Variants in GRM7 observed in about 807,000 individuals in gnomAD.
GRM7 encodes metabotropic glutamate receptor 7.
GRM7 carries 35 observed loss-of-function variants against 84.5 expected under a neutral mutation model. The ratio of observed to expected loss-of-function variants is 0.41; its 90% CI spans 0.32 to 0.55. The LOEUF is 0.55. GRM7 is among the 20% of genes least tolerant of loss of function. The pLI is 0.19. For synonymous variants in GRM7, 487 were observed against 455.1 expected (o/e 1.07, Z -0.89); for missense variants, 1,003 against 1,194.6 (o/e 0.84, Z 2.36).
At chr3:7,001,174 C>T (rs924955967) in intron 1 of GRM7, among the ~76,000 whole-genome samples, 3 of 152,172 alleles carry the variant, frequency 2.0e-5, no homozygotes, top group East Asian at 3.9e-4. Flanking sequence ...AGTGAGACCC[C>T]ATATCCACAA....
chr3:7,614,605 TCAATC>T, intron 8 of GRM7, among the ~76,000 whole-genome samples: 1 of 152,202 alleles, frequency 6.6e-6, no homozygotes, highest in East Asian at 1.9e-4. Context: ...TTATTCTTGA[TCAATC>T]CAATAGAATG....
intron 4 of GRM7, among the ~76,000 whole-genome samples, chr3:7,311,744 GCTAC>G (rs1700404248): frequency 6.6e-6 from 1 of 151,956 alleles, no homozygotes; most frequent in South Asian, 2.1e-4. Flanking sequence ...GCAGGCATGT[GCTAC>G]CACACCTGGC....
At chr3:7,214,412 T>C (rs1696533866) in intron 2 of GRM7, among the ~76,000 whole-genome samples, 1 of 152,218 alleles carries the variant, frequency 6.6e-6, no homozygotes, top group African/African-American at 2.4e-5. Flanking sequence ...ACAAAGCCCC[T>C]AAGGCTTGAC....
intron 2 of GRM7, among the ~76,000 whole-genome samples, chr3:7,185,503 A>G (rs1305303123): frequency 1.3e-5 from 2 of 152,196 alleles, no homozygotes; most frequent in East Asian, 3.8e-4. Flanking sequence ...AGCTCTATCT[A>G]TATGGACCTA....
intron 1 of GRM7, among the ~76,000 whole-genome samples, chr3:7,110,680 T>C (rs1354804794): frequency 6.6e-6 from 1 of 152,044 alleles, no homozygotes; most frequent in Non-Finnish European, 1.5e-5. Flanking sequence ...TTGGCATTCA[T>C]TTCCATTCAT....
At chr3:7,254,427 T>G (rs985154863) in intron 2 of GRM7, among the ~76,000 whole-genome samples, 8 of 152,216 alleles carry the variant, frequency 5.3e-5, no homozygotes, top group Non-Finnish European at 7.3e-5. Context: ...TTGTAAGCAT[T>G]CAGTAAACAT....
intron 7 of GRM7, among the ~76,000 whole-genome samples, chr3:7,508,065 T>C (rs1331623286): frequency 2.0e-5 from 3 of 152,190 alleles, no homozygotes; most frequent in African/African-American, 7.2e-5. Flanking sequence ...TAAAGTCACA[T>C]TTTCAATGTC....
intron 8 of GRM7, among the ~76,000 whole-genome samples, chr3:7,671,185 A>T (rs1277774853): frequency 1.3e-5 from 2 of 152,174 alleles, no homozygotes; most frequent in African/African-American, 2.4e-5. Context: ...TGTACCACTG[A>T]ATGTGTAGGC....
At chr3:7,434,118 C>T (rs189912315) in intron 5 of GRM7, among the ~76,000 whole-genome samples, 35 of 152,018 alleles carry the variant, frequency 2.3e-4, no homozygotes, top group Middle Eastern at 3.4e-3. Context: ...AATTCTTTTT[C>T]GATTGTTAAC....
intron 4 of GRM7, among the ~76,000 whole-genome samples, chr3:7,332,290 A>G (rs537036984): frequency 1.3e-5 from 2 of 152,330 alleles, no homozygotes; most frequent in South Asian, 4.1e-4. Context: ...AGGAGAATAG[A>G]CAATTTATCT....
intron 1 of GRM7, among the ~76,000 whole-genome samples, chr3:7,060,587 C>A (rs1029920460): frequency 6.6e-6 from 1 of 151,756 alleles, no homozygotes. Flanking sequence ...CATTAATGAA[C>A]TATTACAAGA....
At chr3:7,377,054 G>GA (rs1283567857) in intron 4 of GRM7, among the ~76,000 whole-genome samples, 2 of 152,130 alleles carry the variant, frequency 1.3e-5, no homozygotes, top group African/African-American at 4.8e-5. Context: ...AAGAAAGTAA[G>GA]AAAAAAATCA....
chr3:7,683,139 G>A (rs2125143905), intron 9 of GRM7, among the ~76,000 whole-genome samples: 1 of 152,288 alleles, frequency 6.6e-6, no homozygotes, highest in South Asian at 2.1e-4. Flanking sequence ...ATTTGTATAT[G>A]CAGAATATAA....
intron 1 of GRM7, among the ~76,000 whole-genome samples, chr3:6,875,189 T>A (rs1317411593): frequency 6.6e-6 from 1 of 152,188 alleles, no homozygotes; most frequent in African/African-American, 2.4e-5. Context: ...GCTATTTTTT[T>A]AAATAGGATT....
In GRM7 at chr3:7,645,791, T is replaced by G. The variant is rs113951110; in HGVS notation, c.2452-34258T>G. 2.6e-3 allele frequency among the ~76,000 whole-genome samples: 389 copies of G among 152,280 alleles called. 1 individual carries two copies. The highest frequency in any genetic ancestry group is 7.2e-3 in the African/African-American group (299 of 41,566). On this transcript the variant is annotated intron_variant, in intron 8 of 9. Transcript: ENST00000357716. ...CGACTGAGCTATCAGCCTTTGCATT[T>G]AGCCCCCACAGGTGGTCATCTTCCC...
chr3:7,380,080 A>C (rs973820041), intron 4 of GRM7, among the ~76,000 whole-genome samples: 4 of 152,184 alleles, frequency 2.6e-5, no homozygotes, highest in African/African-American at 9.6e-5. Context: ...AACAATAGGC[A>C]GTTGTAGAAT....
In GRM7 at chr3:6,919,390, A is replaced by G. The variant is rs184038425; in HGVS notation, c.519+57483A>G. ...ATTTTTTTTTTTTTTTTTTTTTAAT[A>G]GAGATGGGGTTTCCACCATGTTGGC... On this transcript the variant is annotated intron_variant, in intron 1 of 9. Coordinates refer to ENST00000357716, the MANE Select transcript of GRM7 (RefSeq NM_000844.4). 1.1e-3 allele frequency among the ~76,000 whole-genome samples: 129 copies of G among 116,078 alleles called. 2 individuals are homozygous for G. The highest frequency in any genetic ancestry group is 1.8e-3 in the South Asian group (7 of 3,932). The allele number at this position is 116,078 out of a possible 152,430, so 76.2% of individuals were successfully genotyped here.
chr3:6,951,728 T>G (rs959754701), intron 1 of GRM7, among the ~76,000 whole-genome samples: 14 of 152,188 alleles, frequency 9.2e-5, no homozygotes, highest in African/African-American at 3.4e-4. Context: ...AAAATATATG[T>G]GTGTTCCATT....
chr3:7,203,208 C>T (rs1383744424), intron 2 of GRM7, among the ~76,000 whole-genome samples: 2 of 152,112 alleles, frequency 1.3e-5, no homozygotes, highest in East Asian at 3.9e-4. Context: ...TTCATGTCTC[C>T]TTCCATCTAC....
Sources: gnomAD v4.1 joint callset for allele counts (sites outside exome capture counted in the v4.1 genomes callset) on GRCh38, gnomAD v4.1.1 for gene constraint, MANE v1.5 for transcripts, NCBI Gene and HGNC (gene_info 2026-07-23, HGNC 2026-07-21) for gene names.